UBE2Z: variants seen among roughly 807,000 people sequenced by gnomAD.
UBE2Z encodes the protein ubiquitin conjugating enzyme E2 Z, also known as ubiquitin-conjugating enzyme E2 Z.
Under a neutral mutation model 32.6 loss-of-function variants are expected in UBE2Z, and 10 were observed. The observed-to-expected ratio is 0.31, with a 90% CI of 0.19 to 0.52. The LOEUF (loss-of-function observed/expected upper bound fraction) is 0.52. UBE2Z is among the 20% of genes least tolerant of loss of function. The pLI is 0.97. For missense variants in UBE2Z, 343 were observed against 480.9 expected, an observed-to-expected ratio of 0.71 and a Z score of 2.68; for synonymous variants, 183 against 190.8, an observed-to-expected ratio of 0.96 and a Z score of 0.34.
intron 4 of UBE2Z, among the ~76,000 whole-genome samples, 168 bp downstream of exon 4, chr17:48,916,355 A>G (rs2040720248): frequency 7.0e-6 from 1 of 143,712 alleles, no homozygotes; most frequent in African/African-American, 2.5e-5. Context: ...TCCCGGGTTC[A>G]AGCCATTCTG....
chr17:48,922,504 T>G (rs1434906606), intron 5 of UBE2Z, among the ~76,000 whole-genome samples: 1 of 151,904 alleles, frequency 6.6e-6, no homozygotes, highest in Non-Finnish European at 1.5e-5. Context: ...TGTGGTGGCT[T>G]GCGCCTGTAG....
At chr17:48,926,817 G>C in intron 6 of UBE2Z, 147 bp from the exon 7 acceptor site, 2 of 821,064 alleles carry the variant, frequency 2.4e-6, no homozygotes, top group Non-Finnish European at 3.7e-6. Context: ...TATTTTGCCT[G>C]CTGTTTGGGA....
At chr17:48,914,253 G>A (rs1372115961) in intron 3 of UBE2Z, among the ~76,000 whole-genome samples, 1 of 152,164 alleles carries the variant, frequency 6.6e-6, no homozygotes, top group Non-Finnish European at 1.5e-5. Flanking sequence ...CTGGGACAGA[G>A]AACACGTGCA....
chr17:48,917,183 G>A (rs577143620), intron 4 of UBE2Z, among the ~76,000 whole-genome samples: 1 of 152,238 alleles, frequency 6.6e-6, no homozygotes, highest in African/African-American at 2.4e-5. Flanking sequence ...GCAGGCGCCT[G>A]TAGTCCCAGC....
intron 2 of UBE2Z, 151 bp from the exon 3 acceptor site, chr17:48,912,683 T>G (rs982845907): frequency 1.3e-6 from 1 of 773,482 alleles, no homozygotes; most frequent in East Asian, 2.5e-5. Context: ...TATGAGTGAA[T>G]ACAGGATGTT....
At chr17:48,926,202 A>T (rs57249781) in intron 6 of UBE2Z, among the ~76,000 whole-genome samples, 10,032 of 152,130 alleles carry the variant, frequency 0.066, 453 homozygotes, top group South Asian at 0.15. Flanking sequence ...GAAAGTCAGA[A>T]CTCTTGAATT....
chr17:48,921,857 C>T (rs2040761399), intron 5 of UBE2Z, among the ~76,000 whole-genome samples: 1 of 151,762 alleles, frequency 6.6e-6, no homozygotes, highest in African/African-American at 2.4e-5. Context: ...AGGGAGACCC[C>T]ATCTCTACAG....
At position 48,912,956 on chromosome 17, in the gene UBE2Z, C is replaced by T; in HGVS notation, c.513C>T (p.Gly171=). 1 of 1,613,930 alleles carries T rather than the reference C, an allele frequency of 6.2e-7. No homozygotes were observed. ...HPPRVKLMTT[G]NNTVRFNPNF... The stretch of plus-strand genomic sequence containing the variant: ...CTCGGGTCAAACTGATGACAACGGG[C>T]AATAACACAGTGAGGTTTAACCCCA... Residue 171 remains glycine (G), a synonymous_variant, in exon 3 of 7, where the codon GGC becomes GGT. Coordinates refer to ENST00000360943, the MANE Select transcript of UBE2Z (RefSeq NM_023079.5).
chr17:48,919,760 G>A (rs977420948), intron 4 of UBE2Z, among the ~76,000 whole-genome samples: 4 of 152,234 alleles, frequency 2.6e-5, no homozygotes, highest in African/African-American at 9.6e-5. Context: ...GTACAGGCAT[G>A]AGCCATCGGG....
Position 48,910,851 on chromosome 17 carries a change from G to A in UBE2Z, c.361G>A (p.Val121Ile), listed in dbSNP as rs760942331. The change falls in exon 2 of 7, where the codon GTT (valine) becomes ATT (isoleucine). Residue 121 changes from valine to isoleucine, a missense_variant. This residue lies in a region of UBE2Z where 182 missense variants were observed against 312.4 expected (regional missense o/e 0.58). Coordinates refer to ENST00000360943, the MANE Select transcript of UBE2Z (RefSeq NM_023079.5). ...TAAGGAGCCTCCTCCAGGAATGTTCGTTGTACCTGATACTGTTGACATGAC... is the reference window on the plus strand; with the variant it reads ...TAAGGAGCCTCCTCCAGGAATGTTCATTGTACCTGATACTGTTGACATGAC... ...IYKEPPPGMFVVPDTVDMTKI... is the reference protein window; with the variant it reads ...IYKEPPPGMFIVPDTVDMTKI... 2.2e-5 allele frequency: 36 copies of A among 1,613,196 alleles called. No individual in the cohort carries two copies. The highest frequency in any genetic ancestry group is 6.7e-5 in the African/African-American group (5 of 74,746).
chr17:48,912,713 A>G (rs78069344), intron 2 of UBE2Z, 121 bp from the exon 3 acceptor site: 33,505 of 1,019,898 alleles, frequency 0.033, 704 homozygotes, highest in Non-Finnish European at 0.043. Flanking sequence ...TGGTGAGGAT[A>G]TAGAACATGT....
At chr17:48,921,318 G>A (rs1166644047) in intron 5 of UBE2Z, 46 bp downstream of exon 5, 1 of 1,483,036 alleles carries the variant, frequency 6.7e-7, no homozygotes, top group Non-Finnish European at 9.3e-7. Flanking sequence ...GGGCATTTGG[G>A]TAGTTGGCAT....
Position 48,910,883 on chromosome 17 carries a change from A to G in UBE2Z, c.390+3A>G. On this transcript the variant is annotated splice_donor_region_variant and intron_variant, in intron 2 of 6. Coordinates refer to ENST00000360943, the MANE Select transcript of UBE2Z (RefSeq NM_023079.5). The stretch of plus-strand genomic sequence containing the variant: ...CTGATACTGTTGACATGACTAAGGT[A>G]TGTAACTTGATGGGGGTTTGGGGGG... 3 of 1,611,418 alleles carry G rather than the reference A, an allele frequency of 1.9e-6. No homozygotes were observed. The highest frequency in any genetic ancestry group is 1.7e-6 in the Non-Finnish European group (2 of 1,177,904).
In UBE2Z at chr17:48,913,041, T is replaced by G; in HGVS notation, c.578+20T>G. On this transcript the variant is annotated intron_variant, in intron 3 of 6. Transcript: ENST00000360943. Reference sequence around the variant, plus strand: ...TCTAGGGTAAGAGGAGACTTTTAAGTAGCCAAGTCGGTTGTTAGCAGATAA... The same window carrying G: ...TCTAGGGTAAGAGGAGACTTTTAAGGAGCCAAGTCGGTTGTTAGCAGATAA... The G allele has an allele frequency of 6.2e-7, 1 of 1,609,306 alleles. No homozygotes were observed. The highest frequency in any genetic ancestry group is 1.7e-5 in the Admixed American group (1 of 59,770).
rs1219534576 is a variant in UBE2Z at position 48,928,727 on chromosome 17, A to G, written c.*1593A>G. 2 of 152,666 alleles carry G rather than the reference A, an allele frequency of 1.3e-5. No homozygotes were observed. Among genetic ancestry groups the G allele is most frequent in the South Asian group, 4.1e-4 (2 of 4,836 alleles). The allele number at this position is 152,666 out of a possible 1,614,324, so 9.5% of individuals were successfully genotyped here. On this transcript the variant is annotated 3_prime_UTR_variant, in exon 7 of 7. Transcript: ENST00000360943. ...CCTTGAAGAGGCTGGGTCTCTTCACATGAAGATCGAAAAGGGACCCTGCTT... is the reference window on the plus strand; with the variant it reads ...CCTTGAAGAGGCTGGGTCTCTTCACGTGAAGATCGAAAAGGGACCCTGCTT...
At chr17:48,915,592 G>T (rs539363655) in intron 3 of UBE2Z, 6 of 160,952 alleles carry the variant, frequency 3.7e-5, no homozygotes, top group African/African-American at 1.4e-4. Flanking sequence ...CTCCTTGGGG[G>T]TTTGATACAG....
rs1231532363 is a variant in UBE2Z, at chr17:48,927,680, G to C, written c.*546G>C. On this transcript the variant is annotated 3_prime_UTR_variant, in exon 7 of 7. Transcript: ENST00000360943. ...ATTTCCCACAGGCCAGCATAATTTT[G>C]TTTTTCCTAATTTATAGTCACTGTT... The C allele has an allele frequency of 1.9e-5, 3 of 158,560 alleles. No homozygotes were observed. The highest frequency in any genetic ancestry group is 4.2e-5 in the Non-Finnish European group (3 of 71,194). The allele number at this position is 158,560 out of a possible 1,614,324, so 9.8% of individuals were successfully genotyped here. A position where few individuals can be genotyped will look rare whatever the true frequency, so the allele number is the denominator to read the frequency against.
At chr17:48,909,609 T>C (rs1444433713) in intron 1 of UBE2Z, among the ~76,000 whole-genome samples, 5 of 141,022 alleles carry the variant, frequency 3.5e-5, no homozygotes, top group Non-Finnish European at 7.5e-5. Context: ...TCATCAAATA[T>C]AGGAACAAAG....
intron 6 of UBE2Z, among the ~76,000 whole-genome samples, chr17:48,926,426 C>A (rs975681465): frequency 4.6e-5 from 7 of 151,146 alleles, no homozygotes; most frequent in Non-Finnish European, 7.4e-5. Context: ...AATACCAATA[C>A]ATTTTCACTC....
Sources: gnomAD v4.1 joint callset for allele counts (sites outside exome capture counted in the v4.1 genomes callset) on GRCh38, gnomAD v4.1.1 for gene constraint, gnomAD v4.1.1 regional missense constraint, MANE v1.5 for transcripts, NCBI Gene and HGNC (gene_info 2026-07-23, HGNC 2026-07-21) for gene names.